Variants in U2AF2 observed in about 807,000 individuals in gnomAD.
The protein encoded by U2AF2 is U2 small nuclear RNA auxiliary factor 2, also known as splicing factor U2AF 65 kDa subunit.
A neutral mutation model predicts 52.6 loss-of-function variants in U2AF2; 6 were observed. That is an observed-to-expected ratio of 0.11 (90% confidence interval 0.06 to 0.23). The LOEUF (loss-of-function observed/expected upper bound fraction) is 0.23. Ranked by LOEUF, U2AF2 falls within the 10% of genes least tolerant of loss-of-function variation. The probability of loss-of-function intolerance (pLI) is 1.00; values close to 1 mark genes in which losing one functional copy is unlikely to be tolerated. For missense variants in U2AF2, 222 were observed against 677.1 expected (o/e 0.33, Z 7.46); for synonymous variants, 284 against 258.2 (o/e 1.10, Z -0.96).
chr19:55,674,411 C>A lies in U2AF2; in HGVS notation c.*343C>A. ...CAGCCTCTCCTTCTCCCATAGACCC[C>A]TTTCTTCTCCCCTTCCCCACGGTAG... On this transcript the variant is annotated 3_prime_UTR_variant, in exon 12 of 12. Coordinates refer to ENST00000308924, the MANE Select transcript of U2AF2 (RefSeq NM_007279.3). 4.4e-6 allele frequency: 1 copy of A among 229,090 alleles called. No individual in the cohort carries two copies. The allele number at this position is 229,090 out of a possible 1,614,324, so 14.2% of individuals were successfully genotyped here.
intron 4 of U2AF2, 120 bp downstream of exon 4, chr19:55,660,739 C>A: frequency 2.0e-6 from 2 of 1,010,138 alleles, no homozygotes; most frequent in South Asian, 3.3e-5. Context: ...GGGTTGCACA[C>A]CCCTGGGGGT....
intron 3 of U2AF2, 60 bp downstream of exon 3, chr19:55,660,281 C>T (rs1984090739): frequency 1.3e-6 from 2 of 1,572,884 alleles, no homozygotes; most frequent in Non-Finnish European, 1.7e-6. Flanking sequence ...TTCCTCACGC[C>T]CGTGCACCCT....
Position 55,660,540 on chromosome 19 carries a change from G to A in U2AF2, c.255G>A (p.Lys85=). 6.8e-7 allele frequency: 1 copy of A among 1,478,000 alleles called. No individual in the cohort carries two copies. The highest frequency in any genetic ancestry group is 9.1e-7 in the Non-Finnish European group (1 of 1,097,310). 91.6% of individuals were successfully genotyped at this position (1,478,000 alleles called of 1,614,324 possible). Reference sequence around the variant, plus strand: ...GTCGTTCCCCCCGCCACGAGAAGAAGAAGAAGGTCCGTAAATACTGGGACG... The same window carrying A: ...GTCGTTCCCCCCGCCACGAGAAGAAAAAGAAGGTCCGTAAATACTGGGACG... ...GLIRSPRHEK[K]KKVRKYWDVP... The change falls in exon 4 of 12, where the codon AAG becomes AAA. Residue 85 remains lysine, a synonymous_variant. Coordinates refer to ENST00000308924, the MANE Select transcript of U2AF2 (RefSeq NM_007279.3).
At chr19:55,662,685 T>G (rs1368197515) in intron 6 of U2AF2, 67 bp downstream of exon 6, 4 of 1,420,644 alleles carry the variant, frequency 2.8e-6, no homozygotes, top group Non-Finnish European at 3.9e-6. Context: ...CTTAGGCTGA[T>G]GTTGTGTGGA....
At chr19:55,656,684 C>T (rs947933675) in intron 1 of U2AF2, among the ~76,000 whole-genome samples, 1 of 152,154 alleles carries the variant, frequency 6.6e-6, no homozygotes, top group Admixed American at 6.5e-5. Context: ...AAATGATTTC[C>T]ACCTCTACTG....
chr19:55,670,872 C>G (rs958730137), intron 11 of U2AF2: 24 of 157,592 alleles, frequency 1.5e-4, no homozygotes, highest in Non-Finnish European at 2.8e-4. Context: ...CCTGGCTTCC[C>G]TGCTGAGCCC....
intron 1 of U2AF2, among the ~76,000 whole-genome samples, chr19:55,658,403 G>C (rs1356150992): frequency 6.6e-6 from 1 of 151,830 alleles, no homozygotes; most frequent in African/African-American, 2.4e-5. Context: ...TGCCAGTGAG[G>C]CTCCGTTCCT....
intron 6 of U2AF2, among the ~76,000 whole-genome samples, chr19:55,663,198 C>T (rs1368552662): frequency 6.6e-6 from 1 of 152,208 alleles, no homozygotes; most frequent in East Asian, 1.9e-4. Flanking sequence ...CTGTCCCTCT[C>T]ACTCTGTCTT....
At chr19:55,665,808 C>T (rs1984513146) in intron 7 of U2AF2, among the ~76,000 whole-genome samples, 1 of 152,168 alleles carries the variant, frequency 6.6e-6, no homozygotes, top group Non-Finnish European at 1.5e-5. Context: ...GCCACCACAC[C>T]TGCTAATTTT....
intron 7 of U2AF2, 164 bp downstream of exon 7, chr19:55,663,908 C>T (rs1056919071): frequency 9.5e-7 from 1 of 1,049,834 alleles, no homozygotes; most frequent in Non-Finnish European, 1.3e-6. Context: ...GGGGTGCTCT[C>T]CTGCTGGTAG....
intron 7 of U2AF2, 180 bp downstream of exon 7, chr19:55,663,924 G>A: frequency 2.3e-6 from 2 of 884,816 alleles, no homozygotes; most frequent in South Asian, 3.7e-5. Context: ...GGTAGAGAAG[G>A]TGCCTAGGGC....
chr19:55,655,944 C>T (rs995518426), intron 1 of U2AF2, among the ~76,000 whole-genome samples: 2 of 152,108 alleles, frequency 1.3e-5, no homozygotes, highest in Non-Finnish European at 2.9e-5. Context: ...AATCTCAGGG[C>T]ACCTGATAAT....
chr19:55,663,301 G>T (rs756475401), intron 6 of U2AF2, among the ~76,000 whole-genome samples: 1 of 152,120 alleles, frequency 6.6e-6, no homozygotes, highest in African/African-American at 2.4e-5. Flanking sequence ...TCATCTCCCC[G>T]TTCAACTAAC....
intron 11 of U2AF2, among the ~76,000 whole-genome samples, chr19:55,669,915 G>T (rs903773160): frequency 1.3e-5 from 2 of 152,166 alleles, no homozygotes; most frequent in Admixed American, 1.3e-4. Context: ...TGAGGGGTTT[G>T]TGGCCCTGTG....
chr19:55,669,872 C>T (rs747116540), intron 11 of U2AF2, among the ~76,000 whole-genome samples, 180 bp downstream of exon 11: 6 of 152,210 alleles, frequency 3.9e-5, no homozygotes, highest in Non-Finnish European at 8.8e-5. Context: ...GAGTGCCGCC[C>T]TCAGGCCGGG....
At chr19:55,662,903 A>C (rs1365244061) in intron 6 of U2AF2, among the ~76,000 whole-genome samples, 1 of 152,034 alleles carries the variant, frequency 6.6e-6, no homozygotes. Context: ...CTCTGGCCAC[A>C]CTGACCTTCC....
chr19:55,666,492 G>T (rs1228552729), intron 7 of U2AF2, among the ~76,000 whole-genome samples: 1 of 152,246 alleles, frequency 6.6e-6, no homozygotes, highest in South Asian at 2.1e-4. Context: ...TGCTCACAGT[G>T]TGTGTCTGGG....
intron 9 of U2AF2, 33 bp from the exon 10 acceptor site, chr19:55,669,050 C>T (rs769660634): frequency 1.1e-5 from 17 of 1,604,606 alleles, no homozygotes; most frequent in East Asian, 2.2e-5. Context: ...CACCTCTCCC[C>T]GCACCCCCCG....
At chr19:55,672,635 ATTGTT>A (rs954930148) in intron 11 of U2AF2, among the ~76,000 whole-genome samples, 5 of 152,132 alleles carry the variant, frequency 3.3e-5, no homozygotes, top group Admixed American at 6.5e-5. Context: ...ACCTTAAAAA[ATTGTT>A]TTGTTTTTTT....
Sources: allele counts gnomAD v4.1 joint callset (sites outside exome capture counted in the v4.1 genomes callset), GRCh38; gene constraint gnomAD v4.1.1; transcripts MANE v1.5; gene names NCBI Gene and HGNC (gene_info 2026-07-23, HGNC 2026-07-21).